The following RASSF3 variants were observed in gnomAD, a reference collection of about 807,000 sequenced individuals.
RASSF3 encodes Ras association domain family member 3, also known as ras association domain-containing protein 3.
A neutral mutation model predicts 19.9 loss-of-function variants in RASSF3; 19 were observed. The observed-to-expected ratio is 0.96, with a 90% CI of 0.67 to 1.40. The LOEUF is 1.40. Ranked by LOEUF, RASSF3 falls within the 40% of genes most tolerant of loss-of-function variation. RASSF3 has a pLI of 0.00. For synonymous variants in RASSF3, 110 were observed against 104.2 expected (o/e 1.06, Z -0.34); for missense variants, 306 against 289.8 (o/e 1.06, Z -0.41).
chr12:64,512,968 C>T (rs1346739233), intron 1 of RASSF3, among the ~76,000 whole-genome samples: 1 of 152,130 alleles, frequency 6.6e-6, no homozygotes, highest in Non-Finnish European at 1.5e-5. Flanking sequence ...TGCCCTCATC[C>T]ATAAAGTGAA....
intron 1 of RASSF3, among the ~76,000 whole-genome samples, chr12:64,524,173 TC>T (rs1335580764): frequency 2.0e-5 from 3 of 151,728 alleles, no homozygotes; most frequent in Middle Eastern, 3.4e-3. Context: ...TGCCTCAGCC[TC>T]CCAAGTAGCT....
chr12:64,659,462 G>A lies in RASSF3; in HGVS notation c.112-25325G>A, dbSNP rs12582378. 2.0e-5 allele frequency among the ~76,000 whole-genome samples: 3 copies of A among 152,250 alleles called. No individual in the cohort carries two copies. In the East Asian group the frequency reaches 5.8e-4, roughly 29 times the overall value. ...AGGCGGTCTGAGCATACTCCAAAAA[G>A]TTGGCTTTAGGATACAGAGGGGTCC... is the stretch of plus-strand genomic sequence containing the variant. On this transcript the variant is annotated intron_variant, in intron 1 of 4. Transcript: ENST00000542104.
At chr12:64,630,095 A>G (rs1871127370) in intron 1 of RASSF3, 1 of 152,190 alleles carries the variant, frequency 6.6e-6, no homozygotes, top group African/African-American at 2.4e-5. Context: ...GTTATGAAAT[A>G]TTTGAAGTAC....
intron 2 of RASSF3, among the ~76,000 whole-genome samples, chr12:64,600,295 A>C (rs1024448611): frequency 2.6e-5 from 4 of 151,624 alleles, no homozygotes; most frequent in African/African-American, 4.9e-5. Flanking sequence ...CTCAAAACAC[A>C]CACAAACACA....
chr12:64,657,127 T>C (rs762267007), intron 1 of RASSF3, among the ~76,000 whole-genome samples: 5 of 151,042 alleles, frequency 3.3e-5, no homozygotes, highest in Non-Finnish European at 7.4e-5. Context: ...TTCTCCTGCC[T>C]CAACCTCCCT....
intron 1 of RASSF3, among the ~76,000 whole-genome samples, chr12:64,669,132 C>CA (rs887129563): frequency 1.3e-5 from 2 of 152,178 alleles, no homozygotes; most frequent in African/African-American, 4.8e-5. Flanking sequence ...CCTCGAGGAG[C>CA]AAATGGCTTT....
intron 1 of RASSF3, among the ~76,000 whole-genome samples, chr12:64,659,108 C>G (rs1872255513): frequency 6.6e-6 from 1 of 152,010 alleles, no homozygotes; most frequent in African/African-American, 2.4e-5. Flanking sequence ...GGGTCAGTGA[C>G]CAAGAGCCCA....
rs374873801 is a variant in RASSF3, at chr12:64,662,738, T to G, written c.112-22049T>G. On this transcript the variant is annotated intron_variant, in intron 1 of 4. Transcript: ENST00000542104. ...GCATCTTGTTTCCGTGTGAAATGTG[T>G]CTTTAAGCTCCTGCTGGGGTCCAGA... Among the ~76,000 whole-genome samples the G allele has an allele frequency of 2.0e-5, 3 of 152,282 alleles. No homozygotes were observed. The East Asian group carries it at 5.8e-4, about 29-fold the overall frequency.
rs191398022 is a variant in RASSF3, at chr12:64,568,095, G to A, written c.294+26390G>A. 1.8e-3 allele frequency among the ~76,000 whole-genome samples: 273 copies of A among 152,240 alleles called. 2 individuals carry two copies. Among genetic ancestry groups the A allele is most frequent in the Non-Finnish European group, 3.1e-4 (21 of 68,018 alleles). On this transcript the variant is annotated intron_variant, in intron 2 of 5. Coordinates refer to the RASSF3 transcript ENST00000637125. ...TGCCCAGGCTGGAGTGCAGTGGCGC[G>A]ATCTTGGCTCACTGCAACCTCTGCC...
intron 2 of RASSF3, among the ~76,000 whole-genome samples, chr12:64,583,200 T>A (rs1055589088): frequency 7.9e-5 from 12 of 152,142 alleles, no homozygotes; most frequent in African/African-American, 2.9e-4. Context: ...ATCTCTACCC[T>A]CTGAGGCAGT....
intron 1 of RASSF3, among the ~76,000 whole-genome samples, chr12:64,678,461 A>G (rs545377808): frequency 6.6e-6 from 1 of 152,218 alleles, no homozygotes; most frequent in Admixed American, 6.5e-5. Flanking sequence ...CACCTGTGAG[A>G]GCTCTGGGAC....
intron 1 of RASSF3, among the ~76,000 whole-genome samples, chr12:64,536,492 T>C (rs1565834823): frequency 6.6e-6 from 1 of 152,194 alleles, no homozygotes; most frequent in Non-Finnish European, 1.5e-5. Context: ...AGCACACAGC[T>C]CTCTAATTCA....
chr12:64,552,579 A>G (rs577152546), intron 2 of RASSF3, among the ~76,000 whole-genome samples: 10 of 152,142 alleles, frequency 6.6e-5, no homozygotes, highest in African/African-American at 2.4e-4. Context: ...CCCTGTGTCC[A>G]TGTGTTCTCA....
intron 2 of RASSF3, among the ~76,000 whole-genome samples, chr12:64,592,052 C>T (rs1221632643): frequency 6.6e-6 from 1 of 152,074 alleles, no homozygotes; most frequent in Non-Finnish European, 1.5e-5. Context: ...CAGGCGTATG[C>T]CACATGCCTG....
intron 1 of RASSF3, among the ~76,000 whole-genome samples, chr12:64,649,244 G>C (rs998675107): frequency 1.3e-5 from 2 of 151,406 alleles, no homozygotes; most frequent in African/African-American, 4.9e-5. Context: ...CCAGGCTGGA[G>C]TGCAGTGGCG....
At chr12:64,512,367 T>C (rs188177979) in intron 1 of RASSF3, among the ~76,000 whole-genome samples, 1 of 152,164 alleles carries the variant, frequency 6.6e-6, no homozygotes, top group East Asian at 1.9e-4. Flanking sequence ...CCTTTAGTCC[T>C]AACTACCCAG....
At chr12:64,621,698 C>T (rs1870774435) in intron 1 of RASSF3, among the ~76,000 whole-genome samples, 1 of 152,192 alleles carries the variant, frequency 6.6e-6, no homozygotes, top group African/African-American at 2.4e-5. Context: ...TCTCGAACTC[C>T]TGATCTCCGG....
At chr12:64,639,498 C>T (rs1056382484) in intron 1 of RASSF3, among the ~76,000 whole-genome samples, 3 of 152,088 alleles carry the variant, frequency 2.0e-5, no homozygotes, top group Non-Finnish European at 1.5e-5. Flanking sequence ...ATTTGAAACT[C>T]TTTTTAAACC....
At chr12:64,661,677 CTTTTTTTTTT>C (rs71092993) in intron 1 of RASSF3, among the ~76,000 whole-genome samples, 2 of 79,002 alleles carry the variant, frequency 2.5e-5, no homozygotes, top group African/African-American at 1.1e-4. Context: ...TTTTCTTTTT[CTTTTTTTTTT>C]TTTTTTTTTT....
Sources: gnomAD v4.1 joint callset for allele counts (sites outside exome capture counted in the v4.1 genomes callset) on GRCh38, gnomAD v4.1.1 for gene constraint, MANE v1.5 for transcripts, NCBI Gene and HGNC (gene_info 2026-07-23, HGNC 2026-07-21) for gene names.